Variants in FMN1 observed in about 807,000 individuals in gnomAD.
FMN1 encodes the protein formin 1, also known as formin-1.
A neutral mutation model predicts 132.4 loss-of-function variants in FMN1; 110 were observed. The observed-to-expected ratio is 0.83, with a 90% confidence interval of 0.71 to 0.97. The LOEUF (loss-of-function observed/expected upper bound fraction) is 0.97. Ranked by LOEUF, FMN1 falls within the 50% of genes least tolerant of loss-of-function variation. The pLI, the probability that FMN1 is intolerant of heterozygous loss-of-function variation, is 0.00. For missense variants in FMN1, 1,792 were observed against 1,705.3 expected (o/e 1.05, Z -0.90); for synonymous variants, 722 against 651.7 (o/e 1.11, Z -1.64).
intron 16 of FMN1, among the ~76,000 whole-genome samples, chr15:32,872,847 C>T (rs1401873911): frequency 6.6e-6 from 1 of 152,022 alleles, no homozygotes; most frequent in Non-Finnish European, 1.5e-5. Context: ...GTCACATTAA[C>T]TGTAATTTTC....
intron 16 of FMN1, among the ~76,000 whole-genome samples, chr15:32,867,587 A>T (rs1023885675): frequency 1.3e-5 from 2 of 151,772 alleles, no homozygotes; most frequent in Admixed American, 6.6e-5. Context: ...GCTCACTGCA[A>T]GCTCCGCCTC....
chr15:33,076,224 T>C (rs1447026544), intron 5 of FMN1, among the ~76,000 whole-genome samples: 1 of 152,168 alleles, frequency 6.6e-6, no homozygotes, highest in East Asian at 1.9e-4. Context: ...CTGTTCCATA[T>C]GGCTAATGAC....
At chr15:32,960,167 C>T (rs2030345946) in intron 9 of FMN1, among the ~76,000 whole-genome samples, 1 of 152,168 alleles carries the variant, frequency 6.6e-6, no homozygotes, top group Non-Finnish European at 1.5e-5. Context: ...CCGGATTTGT[C>T]TGGAACTTAC....
At position 33,154,411 on chromosome 15, in the gene FMN1, GCTCT is replaced by G. The variant is rs1409373880; in HGVS notation, c.500_503del (p.Glu167AlafsTer23). 2 of 1,536,132 alleles carry G rather than the reference GCTCT, an allele frequency of 1.3e-6. No individual in the cohort carries two copies. Among genetic ancestry groups the G allele is most frequent in the Non-Finnish European group, 1.7e-6 (2 of 1,146,924 alleles). On this transcript the variant is annotated frameshift_variant, in exon 4 of 21. Transcript: ENST00000616417. LOFTEE classifies it high-confidence loss of function. Reference sequence around the variant, plus strand: ...TCCTCTTCTGTGGAAGGGCCCCAAAGCTCTCTCTCCTTCCACTAGACCTCCGAGG... The same window carrying G: ...TCCTCTTCTGTGGAAGGGCCCCAAAGCTCTCCTTCCACTAGACCTCCGAGG...
At position 33,138,744 on chromosome 15, in the gene FMN1, T is replaced by C. The variant is rs573857246; in HGVS notation, c.1867+14304A>G. ...AATCTGGCTCAGATATCGGTTCACA[T>C]CATCATGCTATGTCCCTCCCAGCAT... On this transcript the variant is annotated intron_variant, in intron 4 of 20. Transcript: ENST00000616417. 4.6e-5 allele frequency among the ~76,000 whole-genome samples: 7 copies of C among 152,248 alleles called. No homozygotes were observed. In the East Asian group the frequency reaches 1.4e-3, roughly 29 times the overall value.
At chr15:32,916,551 T>C (rs2060689038) in intron 10 of FMN1, among the ~76,000 whole-genome samples, 1 of 152,036 alleles carries the variant, frequency 6.6e-6, no homozygotes, top group African/African-American at 2.4e-5. Flanking sequence ...ATGCCACAGG[T>C]AGGTAGGGTT....
At chr15:32,945,979 A>G (rs1363457392) in intron 9 of FMN1, among the ~76,000 whole-genome samples, 1 of 151,236 alleles carries the variant, frequency 6.6e-6, no homozygotes, top group African/African-American at 2.5e-5. Flanking sequence ...CACTCTGTTA[A>G]TTTTCTGGCT....
intron 19 of FMN1, among the ~76,000 whole-genome samples, chr15:32,791,394 G>C (rs1213218639): frequency 6.7e-6 from 1 of 148,412 alleles, no homozygotes; most frequent in Non-Finnish European, 1.5e-5. Flanking sequence ...CAGGGCTGTT[G>C]TGACAACTTA....
intron 7 of FMN1, among the ~76,000 whole-genome samples, chr15:32,975,918 A>C (rs562005714): frequency 1.3e-5 from 2 of 152,234 alleles, no homozygotes; most frequent in South Asian, 4.2e-4. Flanking sequence ...GCTCAGAGAT[A>C]TCATCGAAGG....
intron 19 of FMN1, among the ~76,000 whole-genome samples, chr15:32,796,602 G>C (rs1375774099): frequency 6.6e-6 from 1 of 152,094 alleles, no homozygotes; most frequent in Non-Finnish European, 1.5e-5. Flanking sequence ...AGCAATTATA[G>C]TGTTCCTCAT....
chr15:32,997,318 C>G (rs1238437080), intron 7 of FMN1, among the ~76,000 whole-genome samples: 1 of 146,022 alleles, frequency 6.8e-6, no homozygotes, highest in Non-Finnish European at 1.5e-5. Context: ...GAAATATCAC[C>G]GTCTTTTTTT....
intron 4 of FMN1, among the ~76,000 whole-genome samples, chr15:33,102,212 C>G (rs2039320829): frequency 6.6e-6 from 1 of 152,086 alleles, no homozygotes; most frequent in Non-Finnish European, 1.5e-5. Context: ...GGACCTGTGT[C>G]TTTGTAAGTA....
chr15:33,072,934 A>C (rs994717201), intron 5 of FMN1, among the ~76,000 whole-genome samples: 1 of 151,968 alleles, frequency 6.6e-6, no homozygotes. Context: ...AAAAAAAAAA[A>C]AAACAAAAAC....
At chr15:32,846,524 C>A (rs545634762) in intron 17 of FMN1, among the ~76,000 whole-genome samples, 2 of 152,278 alleles carry the variant, frequency 1.3e-5, no homozygotes, top group East Asian at 3.9e-4. Flanking sequence ...TACCATCTCC[C>A]ACCAGTCAGA....
rs1199393907 is a variant in FMN1 at position 32,785,214 on chromosome 15, ATATATTTTTT to A, written c.4131-8305_4131-8296del. Among the ~76,000 whole-genome samples, 19 of 22,142 alleles carry A rather than the reference ATATATTTTTT, an allele frequency of 8.6e-4. 1 individual carries two copies. The highest frequency in any genetic ancestry group is 2.3e-3 in the African/African-American group (15 of 6,622). The allele number at this position is 22,142 out of a possible 152,430, so 14.5% of individuals were successfully genotyped here. A position where few individuals can be genotyped will look rare whatever the true frequency, so the allele number is the denominator to read the frequency against. Reference sequence around the variant, plus strand: ...TGTGTGTGTGTGTATATATATATATATATATTTTTTTTTTTTTTTTTTTGTAGAGATGAGG... The same window carrying A: ...TGTGTGTGTGTGTATATATATATATATTTTTTTTTTTTTGTAGAGATGAGG... On this transcript the variant is annotated intron_variant, in intron 19 of 20. Coordinates refer to ENST00000616417, the MANE Select transcript of FMN1 (RefSeq NM_001277313.2).
At chr15:33,043,160 G>T (rs117560086) in intron 6 of FMN1, among the ~76,000 whole-genome samples, 3 of 81,194 alleles carry the variant, frequency 3.7e-5, no homozygotes, top group Non-Finnish European at 6.1e-5. Context: ...TTGAGAAGCT[G>T]AGCAGCGAGC....
chr15:33,113,761 T>C (rs1229374015), intron 4 of FMN1, among the ~76,000 whole-genome samples: 1 of 152,196 alleles, frequency 6.6e-6, no homozygotes, highest in African/African-American at 2.4e-5. Flanking sequence ...CCAGCTTCCA[T>C]GGCCACGTCA....
At chr15:32,814,100 TGA>T (rs780401750) in intron 17 of FMN1, among the ~76,000 whole-genome samples, 1 of 151,916 alleles carries the variant, frequency 6.6e-6, no homozygotes, top group Non-Finnish European at 1.5e-5. Flanking sequence ...AATGATCTGG[TGA>T]GAGACTCATT....
chr15:32,920,088 C>G (rs1368484478), intron 10 of FMN1, among the ~76,000 whole-genome samples: 1 of 152,088 alleles, frequency 6.6e-6, no homozygotes, highest in Non-Finnish European at 1.5e-5. Flanking sequence ...TGGGAAATTC[C>G]AAATGAATGC....
Sources: allele counts gnomAD v4.1 joint callset (sites outside exome capture counted in the v4.1 genomes callset), GRCh38; gene constraint gnomAD v4.1.1; transcripts MANE v1.5; gene names NCBI Gene and HGNC (gene_info 2026-07-23, HGNC 2026-07-21).